The following PRKCH variants were observed in gnomAD, a reference collection of about 807,000 sequenced individuals.
The protein encoded by PRKCH is protein kinase C eta type.
In PRKCH, 28 loss-of-function variants were observed where a neutral mutation model predicts 82.5. The ratio of observed to expected loss-of-function variants is 0.34; its 90% CI spans 0.25 to 0.47. The LOEUF (loss-of-function observed/expected upper bound fraction) is 0.47, where lower values mean the gene tolerates loss of function less well. Ranked by LOEUF, PRKCH falls within the 20% of genes least tolerant of loss-of-function variation. The pLI is 1.00. For synonymous variants in PRKCH, 322 were observed against 327.4 expected, an observed-to-expected ratio of 0.98 and a Z score of 0.18; for missense variants, 705 against 881.8, an observed-to-expected ratio of 0.80 and a Z score of 2.54.
At chr14:61,534,284 G>A (rs752354334) in intron 12 of PRKCH, among the ~76,000 whole-genome samples, 4 of 152,192 alleles carry the variant, frequency 2.6e-5, no homozygotes, top group Admixed American at 1.3e-4. Flanking sequence ...GCAGCATTAC[G>A]TACAATAGCC....
chr14:61,228,278 A>G (rs2044713489), intron 1 of PRKCH, among the ~76,000 whole-genome samples: 1 of 152,230 alleles, frequency 6.6e-6, no homozygotes, highest in Admixed American at 6.5e-5. Flanking sequence ...TCGAAAGTTG[A>G]AGTGTAGAAG....
intron 1 of PRKCH, among the ~76,000 whole-genome samples, chr14:61,217,547 C>T (rs985305365): frequency 9.9e-5 from 15 of 152,182 alleles, no homozygotes; most frequent in African/African-American, 2.2e-4. Context: ...CTGCTTAGTC[C>T]GGCCTCCTCT....
At chr14:61,442,542 G>A (rs1483692060) in intron 2 of PRKCH, 1 of 152,290 alleles carries the variant, frequency 6.6e-6, no homozygotes, top group Non-Finnish European at 1.5e-5. Context: ...TCAGAACCCT[G>A]GGAAACCCTT....
chr14:61,361,986 A>G (rs900639181), intron 1 of PRKCH, among the ~76,000 whole-genome samples: 2 of 152,206 alleles, frequency 1.3e-5, no homozygotes, highest in Admixed American at 6.5e-5. Flanking sequence ...ATTAAATCTG[A>G]TAAAAAAGAT....
At chr14:61,227,415 A>G (rs1244665989) in intron 1 of PRKCH, among the ~76,000 whole-genome samples, 1 of 152,110 alleles carries the variant, frequency 6.6e-6, no homozygotes, top group Non-Finnish European at 1.5e-5. Context: ...AACACGGTGA[A>G]ACCCCGTCTC....
chr14:61,520,464 A>G (rs2139992162), intron 10 of PRKCH, among the ~76,000 whole-genome samples: 1 of 152,360 alleles, frequency 6.6e-6, no homozygotes, highest in Non-Finnish European at 1.5e-5. Context: ...ATATCAAAAC[A>G]AAACTTCAAC....
intron 10 of PRKCH, among the ~76,000 whole-genome samples, chr14:61,487,843 A>C (rs1412520231): frequency 2.0e-5 from 3 of 148,956 alleles, no homozygotes; most frequent in East Asian, 2.0e-4. Context: ...AAAAAAAAAA[A>C]CATATACATA....
rs1566804451 is a variant in PRKCH at position 61,280,067 on chromosome 14, A to AG, written c.-19+92401dup. ...CCTTGCAAGAGTTTTGGCAAGAAGC[A>AG]GGAGGGATCCCTGGAAAGCCGGAAT... On this transcript the variant is annotated intron_variant, in intron 1 of 3. Coordinates refer to the PRKCH transcript ENST00000555185. This position sits in a 1 kb window ranked among gnomAD's most constrained non-coding sequence, Gnocchi z 5.0. 6.3e-7 allele frequency: 1 copy of AG among 1,579,558 alleles called. No homozygotes were observed. Among genetic ancestry groups the AG allele is most frequent in the Admixed American group, 1.8e-5 (1 of 56,144 alleles).
intron 1 of PRKCH, among the ~76,000 whole-genome samples, chr14:61,339,880 C>T (rs902027837): frequency 6.6e-6 from 1 of 151,590 alleles, no homozygotes; most frequent in African/African-American, 2.4e-5. Context: ...ACAGAAAGGT[C>T]CTCTAGGTTG....
intron 1 of PRKCH, among the ~76,000 whole-genome samples, chr14:61,362,861 A>G (rs568428900): frequency 8.5e-5 from 13 of 152,228 alleles, no homozygotes; most frequent in African/African-American, 1.2e-4. Context: ...GGATGTGGAC[A>G]TTGGCACAGG....
At chr14:61,283,000 T>C (rs906499197) in intron 1 of PRKCH, among the ~76,000 whole-genome samples, 1 of 151,964 alleles carries the variant, frequency 6.6e-6, no homozygotes, top group Admixed American at 6.5e-5. Flanking sequence ...ACAAAACTCG[T>C]CTCTAGGAAG....
intron 1 of PRKCH, among the ~76,000 whole-genome samples, chr14:61,189,054 A>G (rs1445090224): frequency 6.6e-6 from 1 of 152,186 alleles, no homozygotes; most frequent in African/African-American, 2.4e-5. Flanking sequence ...GCAATAGTAC[A>G]TAAAACAAAA....
intron 1 of PRKCH, among the ~76,000 whole-genome samples, chr14:61,383,465 A>G (rs2140188915): frequency 6.6e-6 from 1 of 152,214 alleles, no homozygotes; most frequent in Non-Finnish European, 1.5e-5. Context: ...TAATTGTTCA[A>G]GGTATAGATA....
intron 3 of PRKCH, among the ~76,000 whole-genome samples, chr14:61,444,582 C>T (rs1001612569): frequency 9.2e-5 from 14 of 151,652 alleles, no homozygotes; most frequent in African/African-American, 2.2e-4. Context: ...CAGCCTTTAA[C>T]GCTCCCCCCC....
intron 1 of PRKCH, among the ~76,000 whole-genome samples, chr14:61,197,901 T>G (rs540501614): frequency 1.4e-4 from 21 of 152,342 alleles, no homozygotes; most frequent in African/African-American, 5.0e-4. Flanking sequence ...ATAATTCTCA[T>G]ATATTCCCAT....
intron 4 of PRKCH, among the ~76,000 whole-genome samples, chr14:61,447,851 T>C (rs1336788670): frequency 6.6e-6 from 1 of 152,152 alleles, no homozygotes; most frequent in African/African-American, 2.4e-5. Context: ...TAGAAAGATC[T>C]AAAACCAAGA....
At chr14:61,335,235 G>A (rs1168436830) in intron 1 of PRKCH, among the ~76,000 whole-genome samples, 3 of 151,982 alleles carry the variant, frequency 2.0e-5, no homozygotes, top group Non-Finnish European at 4.4e-5. Flanking sequence ...TCTTGTTGGC[G>A]CCCTCAAATG....
At chr14:61,473,987 C>CT (rs1002098338) in intron 9 of PRKCH, among the ~76,000 whole-genome samples, 1 of 138,278 alleles carries the variant, frequency 7.2e-6, no homozygotes, top group Non-Finnish European at 1.5e-5. Context: ...GAGCGAGACT[C>CT]TGTCTTAAAA....
intron 1 of PRKCH, among the ~76,000 whole-genome samples, chr14:61,382,142 C>G (rs1473833454): frequency 6.6e-6 from 1 of 152,202 alleles, no homozygotes; most frequent in Non-Finnish European, 1.5e-5. Context: ...ATTAGAAACA[C>G]AGCCTCAGCC....
Sources: gnomAD v4.1 joint callset for allele counts (sites outside exome capture counted in the v4.1 genomes callset) on GRCh38, gnomAD v4.1.1 for gene constraint, Gnocchi (gnomAD v3.1) non-coding constraint, MANE v1.5 for transcripts, NCBI Gene and HGNC (gene_info 2026-07-23, HGNC 2026-07-21) for gene names.